The following LRSAM1 variants were observed in gnomAD, a reference collection of about 807,000 sequenced individuals.
The protein encoded by LRSAM1 is E3 ubiquitin-protein ligase LRSAM1.
LRSAM1 carries 96 observed loss-of-function variants against 118.1 expected under a neutral mutation model. The ratio of observed to expected loss-of-function variants is 0.81; its 90% CI spans 0.69 to 0.96. LRSAM1 has a LOEUF of 0.96. Ranked by LOEUF, LRSAM1 falls within the 40% of genes least tolerant of loss-of-function variation. The pLI is 0.00. For missense variants in LRSAM1, 804 were observed against 915.5 expected, an observed-to-expected ratio of 0.88 and a Z score of 1.57; for synonymous variants, 322 against 364.2, an observed-to-expected ratio of 0.88 and a Z score of 1.32.
intron 25 of LRSAM1, 123 bp from the exon 26 acceptor site, chr9:127,502,651 C>T (rs1836435236): frequency 1.6e-6 from 2 of 1,225,072 alleles, no homozygotes; most frequent in Non-Finnish European, 2.2e-6. Context: ...CCCACCACTG[C>T]ACTCCAGCCT....
chr9:127,464,366 C>CG (rs1215980931), intron 9 of LRSAM1, among the ~76,000 whole-genome samples: 1 of 109,382 alleles, frequency 9.1e-6, no homozygotes, highest in Non-Finnish European at 1.8e-5. Context: ...ACCTGGTGAC[C>CG]GTGCTGTCCA....
chr9:127,482,071 A>C (rs1471389108), intron 15 of LRSAM1, among the ~76,000 whole-genome samples: 2 of 152,138 alleles, frequency 1.3e-5, no homozygotes, highest in African/African-American at 4.8e-5. Context: ...TTTCTCATTA[A>C]GGGAAAACAT....
At chr9:127,473,983 T>G (rs1336668889) in intron 11 of LRSAM1, 52 bp downstream of exon 11, 6 of 1,612,652 alleles carry the variant, frequency 3.7e-6, no homozygotes, top group Non-Finnish European at 5.1e-6. Context: ...TGCGTGTGCA[T>G]GTATGTGTGT....
rs1468550758 is a variant in LRSAM1, at chr9:127,451,521, G to C, written c.-337G>C. The stretch of plus-strand genomic sequence containing the variant: ...TTGTCGCCATGTTTGTTGTGGGCAG[G>C]CGCCTGAGGCTGACGGCTGGCAAGC... On this transcript the variant is annotated 5_prime_UTR_variant, in exon 1 of 26. Transcript: ENST00000300417. The C allele has an allele frequency of 1.6e-6, 1 of 621,970 alleles. No homozygotes were observed. The highest frequency in any genetic ancestry group is 2.8e-5 in the East Asian group (1 of 35,880). 38.5% of individuals were successfully genotyped at this position (621,970 alleles called of 1,614,324 possible).
intron 21 of LRSAM1, among the ~76,000 whole-genome samples, 168 bp from the exon 22 acceptor site, chr9:127,495,152 C>T (rs1836080025): frequency 6.6e-6 from 1 of 151,994 alleles, no homozygotes; most frequent in Non-Finnish European, 1.5e-5. Flanking sequence ...GGGGTTTCTC[C>T]ATGTTGGTCA....
At chr9:127,474,113 C>G (rs1588114981) in intron 11 of LRSAM1, among the ~76,000 whole-genome samples, 182 bp downstream of exon 11, 1 of 152,176 alleles carries the variant, frequency 6.6e-6, no homozygotes. Context: ...GCTGTGGCAG[C>G]CTCACCCCAC....
intron 11 of LRSAM1, among the ~76,000 whole-genome samples, chr9:127,476,929 A>C (rs1055128257): frequency 6.6e-6 from 1 of 152,098 alleles, no homozygotes; most frequent in Non-Finnish European, 1.5e-5. Flanking sequence ...CACTTGTCTC[A>C]GCCTCCCAAA....
At chr9:127,455,709 C>T (rs1834493294) in intron 5 of LRSAM1, 89 bp downstream of exon 5, 3 of 1,194,982 alleles carry the variant, frequency 2.5e-6, no homozygotes, top group East Asian at 2.3e-5. Flanking sequence ...GTCTTCCCGG[C>T]GTAGACACCT....
At chr9:127,460,490 A>G (rs950505447) in intron 7 of LRSAM1, among the ~76,000 whole-genome samples, 2 of 152,210 alleles carry the variant, frequency 1.3e-5, no homozygotes, top group African/African-American at 2.4e-5. Flanking sequence ...CAGGGGAACT[A>G]GAGCCTCCTG....
chr9:127,500,358 C>CAAAAGAAAAAAAAAA (rs1836336788), intron 24 of LRSAM1, among the ~76,000 whole-genome samples: 1 of 93,566 alleles, frequency 1.1e-5, no homozygotes, highest in Non-Finnish European at 2.2e-5. Flanking sequence ...GAGACTGTCT[C>CAAAAGAAAAAAAAAA]AAAAAAAAAA....
chr9:127,473,220 A>C (rs1432250823), intron 10 of LRSAM1, among the ~76,000 whole-genome samples: 2 of 152,236 alleles, frequency 1.3e-5, no homozygotes, highest in Non-Finnish European at 2.9e-5. Flanking sequence ...GTACATCAAA[A>C]CTTACAACTT....
Position 127,469,246 on chromosome 9 carries a change from G to C in LRSAM1, c.619+1416G>C, listed in dbSNP as rs1442864390. Among the ~76,000 whole-genome samples, 24 of 152,084 alleles carry C rather than the reference G, an allele frequency of 1.6e-4. 1 individual carries two copies. The highest frequency in any genetic ancestry group is 1.5e-5 in the Non-Finnish European group (1 of 68,002). Reference sequence around the variant, plus strand: ...GCACTTTGGGAGGCTGAGGTGGGCAGATAACCTGAGGTCAGGAGTTTGAGA... The same window carrying C: ...GCACTTTGGGAGGCTGAGGTGGGCACATAACCTGAGGTCAGGAGTTTGAGA... On this transcript the variant is annotated intron_variant, in intron 10 of 25. Coordinates refer to ENST00000300417, the MANE Select transcript of LRSAM1 (RefSeq NM_001005373.4).
chr9:127,482,937 G>A lies in LRSAM1; in HGVS notation c.1089-13G>A. ...GTTAAATTTGCTGAATGAATGGATG[G>A]ATTTTTTTCTAGAATAAGAATGGAA... On this transcript the variant is annotated splice_polypyrimidine_tract_variant and intron_variant, in intron 15 of 25. Transcript: ENST00000300417. The A allele has an allele frequency of 6.4e-7, 1 of 1,552,406 alleles. No individual in the cohort carries two copies. The highest frequency in any genetic ancestry group is 2.0e-5 in the Admixed American group (1 of 51,032).
intron 18 of LRSAM1, 114 bp from the exon 19 acceptor site, chr9:127,489,330 A>G (rs1835842642): frequency 8.0e-7 from 1 of 1,257,210 alleles, no homozygotes; most frequent in Admixed American, 2.0e-5. Context: ...CCTCTCTCAG[A>G]AAAAACCCAT....
intron 23 of LRSAM1, 118 bp from the exon 24 acceptor site, chr9:127,497,135 C>A: frequency 9.6e-7 from 1 of 1,044,894 alleles, no homozygotes. Flanking sequence ...CGGAAGGCTT[C>A]CACATTTCCA....
intron 24 of LRSAM1, among the ~76,000 whole-genome samples, chr9:127,499,858 G>A (rs1161551402): frequency 6.6e-6 from 1 of 151,566 alleles, no homozygotes; most frequent in East Asian, 1.9e-4. Context: ...CCAGGAGGCG[G>A]AGGTTGCAGT....
chr9:127,496,191 G>A, intron 23 of LRSAM1, 96 bp downstream of exon 23: 1 of 1,548,170 alleles, frequency 6.5e-7, no homozygotes, highest in Non-Finnish European at 8.7e-7. Flanking sequence ...TCCTCGTTGA[G>A]GCCTGTCCTT....
chr9:127,485,305 C>T (rs920810830), intron 16 of LRSAM1, among the ~76,000 whole-genome samples: 1 of 152,090 alleles, frequency 6.6e-6, no homozygotes, highest in African/African-American at 2.4e-5. Flanking sequence ...CACCTGTAAT[C>T]CCAGCACTTT....
intron 6 of LRSAM1, 38 bp downstream of exon 6, chr9:127,457,431 T>C: frequency 6.2e-7 from 1 of 1,603,400 alleles, no homozygotes; most frequent in Admixed American, 1.7e-5. Context: ...GGGCTCTGCA[T>C]GGGGTTCCAC....
Sources: allele counts gnomAD v4.1 joint callset (sites outside exome capture counted in the v4.1 genomes callset), GRCh38; gene constraint gnomAD v4.1.1; transcripts MANE v1.5; gene names NCBI Gene and HGNC (gene_info 2026-07-23, HGNC 2026-07-21).